Variants in DCX observed in about 807,000 individuals in gnomAD.
DCX encodes neuronal migration protein doublecortin.
A neutral mutation model predicts 20.9 loss-of-function variants in DCX; 4 were observed. The ratio of observed to expected loss-of-function variants is 0.19; its 90% CI spans 0.09 to 0.44. DCX has a LOEUF of 0.44. DCX is among the 20% of genes least tolerant of loss of function. DCX has a pLI of 0.99. For missense variants in DCX, 133 were observed against 296.9 expected (o/e 0.45, Z 4.06); for synonymous variants, 103 against 111.4 (o/e 0.92, Z 0.47).
At chrX:111,367,716 G>A (rs1356413929) in intron 3 of DCX, among the ~76,000 whole-genome samples, 2 of 111,370 alleles carry the variant, frequency 1.8e-5, no homozygotes, top group East Asian at 5.7e-4. Context: ...TGAGGCAGAC[G>A]TTATAATTCT....
intron 5 of DCX, among the ~76,000 whole-genome samples, chrX:111,316,981 T>C (rs1310578283): frequency 8.9e-6 from 1 of 112,271 alleles, no homozygotes; most frequent in Non-Finnish European, 1.9e-5. Flanking sequence ...ATCAATATCA[T>C]TAAAATGGCC....
At chrX:111,337,691 A>G (rs1418677092) in intron 3 of DCX, among the ~76,000 whole-genome samples, 2 of 112,323 alleles carry the variant, frequency 1.8e-5, no homozygotes, top group Non-Finnish European at 3.8e-5. Context: ...TCAGAAATAA[A>G]TGTTTTCTCG....
intron 3 of DCX, among the ~76,000 whole-genome samples, chrX:111,374,473 C>T (rs778113841): frequency 3.6e-5 from 4 of 111,430 alleles, no homozygotes; most frequent in South Asian, 3.8e-4. Context: ...TACTCACATA[C>T]GCTACTGTTC....
chrX:111,343,011 A>G (rs1448153966), intron 3 of DCX, among the ~76,000 whole-genome samples: 2 of 110,774 alleles, frequency 1.8e-5, no homozygotes, highest in Non-Finnish European at 3.8e-5. Context: ...AAAGAGCTAG[A>G]GAGGCAAGAG....
chrX:111,410,838 A>G, intron 1 of DCX: 8 of 1,211,450 alleles, frequency 6.6e-6, no homozygotes, highest in Non-Finnish European at 8.9e-6. Context: ...CACATGACTA[A>G]CAGTTGTAAA....
intron 2 of DCX, among the ~76,000 whole-genome samples, chrX:111,407,830 A>ACACACACAC (rs1928329446): frequency 9.1e-6 from 1 of 110,247 alleles, no homozygotes; most frequent in South Asian, 3.9e-4. Context: ...ACACACACAC[A>ACACACACAC]CACACACATA....
At chrX:111,336,749 A>G (rs1336091555) in intron 3 of DCX, among the ~76,000 whole-genome samples, 1 of 112,378 alleles carries the variant, frequency 8.9e-6, no homozygotes, top group Non-Finnish European at 1.9e-5. Flanking sequence ...AGGCATATCT[A>G]TAGCCTAGAC....
intron 3 of DCX, among the ~76,000 whole-genome samples, chrX:111,333,763 A>G (rs1334227394): frequency 8.9e-6 from 1 of 111,887 alleles, no homozygotes; most frequent in Admixed American, 9.4e-5. Flanking sequence ...ATGGGTCCCA[A>G]TAGGCCTGAG....
chrX:111,316,888 A>G (rs979370662), intron 5 of DCX, among the ~76,000 whole-genome samples: 1 of 111,933 alleles, frequency 8.9e-6, no homozygotes, highest in African/African-American at 3.3e-5. Flanking sequence ...GATCTCCACA[A>G]TGAGAATTAC....
rs1452652131 is a variant in DCX at position 111,300,839 on chromosome X, T to C, written c.*848A>G. The C allele has an allele frequency of 1.8e-5, 2 of 111,993 alleles. No individual in the cohort carries two copies. Among genetic ancestry groups the C allele is most frequent in the East Asian group, 5.6e-4 (2 of 3,583 alleles). The allele number at this position is 111,993 out of a possible 1,213,427, so 9.2% of individuals were successfully genotyped here. On this transcript the variant is annotated 3_prime_UTR_variant, in exon 7 of 7. Coordinates refer to ENST00000636035, the MANE Select transcript of DCX (RefSeq NM_001195553.2). ...TGTTGGCTGTTAACAAGGCATTCAA[T>C]AGAACAGAGATAGATGGATACCATA...
chrX:111,331,113 C>T (rs755278794), intron 4 of DCX, 72 bp from the exon 5 acceptor site: 36 of 1,135,599 alleles, frequency 3.2e-5, no homozygotes, highest in South Asian at 2.4e-4. Flanking sequence ...CTCTGGAAAC[C>T]GCAATAACCA....
At chrX:111,400,449 T>C (rs1927682809) in intron 3 of DCX, among the ~76,000 whole-genome samples, 1 of 111,773 alleles carries the variant, frequency 8.9e-6, no homozygotes, top group Non-Finnish European at 1.9e-5. Flanking sequence ...CTATGTCATA[T>C]GGAAAAGAGA....
intron 3 of DCX, among the ~76,000 whole-genome samples, chrX:111,345,475 A>C (rs188760381): frequency 8.9e-6 from 1 of 112,080 alleles, no homozygotes; most frequent in Non-Finnish European, 1.9e-5. Context: ...AATGGGAGAA[A>C]ATTTTTGCAA....
intron 3 of DCX, among the ~76,000 whole-genome samples, chrX:111,356,072 A>G (rs1472497321): frequency 8.9e-6 from 1 of 112,373 alleles, no homozygotes; most frequent in Non-Finnish European, 1.9e-5. Context: ...GGGAAGAAGT[A>G]TATCTCAGGA....
chrX:111,335,479 A>C (rs998474821), intron 3 of DCX, among the ~76,000 whole-genome samples: 4 of 112,670 alleles, frequency 3.6e-5, no homozygotes, highest in Non-Finnish European at 7.5e-5. Context: ...AAGTAGGAAT[A>C]AGAAAGATGA....
intron 5 of DCX, 99 bp from the exon 6 acceptor site, chrX:111,312,835 G>T: frequency 2.4e-6 from 2 of 818,754 alleles, no homozygotes; most frequent in Non-Finnish European, 1.8e-6. Context: ...ATTCAAACAA[G>T]GTACACAGAC....
At chrX:111,380,056 G>T (rs1055086233) in intron 3 of DCX, among the ~76,000 whole-genome samples, 1 of 111,276 alleles carries the variant, frequency 9.0e-6, no homozygotes, top group African/African-American at 3.3e-5. Context: ...ATGTGTAAGA[G>T]TTCTGTGTAT....
At chrX:111,379,821 A>G (rs1925827379) in intron 3 of DCX, among the ~76,000 whole-genome samples, 1 of 111,494 alleles carries the variant, frequency 9.0e-6, no homozygotes, top group Admixed American at 9.5e-5. Context: ...CCACCAGTGC[A>G]TGAGGTTTCT....
rs267606318 is a variant in DCX at position 111,410,815 on chromosome X, C to T, written c.-22-395G>A. 145 of 1,208,913 alleles carry T rather than the reference C, an allele frequency of 1.2e-4. 1 individual carries two copies. The highest frequency in any genetic ancestry group is 1.6e-4 in the Non-Finnish European group (140 of 894,846). ...AATACATTAAAACTGGCATCTGTTT[C>T]CTCACACATGCCCACATGACTAACA... On this transcript the variant is annotated intron_variant, in intron 1 of 6. Coordinates refer to ENST00000636035, the MANE Select transcript of DCX (RefSeq NM_001195553.2).
Sources: allele counts gnomAD v4.1 joint callset (sites outside exome capture counted in the v4.1 genomes callset), GRCh38; gene constraint gnomAD v4.1.1; transcripts MANE v1.5; gene names NCBI Gene and HGNC (gene_info 2026-07-23, HGNC 2026-07-21).